Variants in SYNE2 observed in about 807,000 individuals in gnomAD.
SYNE2 encodes the protein nesprin-2.
In SYNE2, 431 loss-of-function variants were observed where a neutral mutation model predicts 856.3. The observed-to-expected ratio is 0.50, with a 90% CI of 0.47 to 0.55. The LOEUF is 0.55. Ranked by LOEUF, SYNE2 falls within the 20% of genes least tolerant of loss-of-function variation. SYNE2 has a pLI of 0.00. For synonymous variants in SYNE2, 2,923 were observed against 2,872.3 expected (o/e 1.02, Z -0.56); for missense variants, 8,129 against 8,023.2 (o/e 1.01, Z -0.50).
Position 64,078,580 on chromosome 14 carries a change from A to G in SYNE2, c.11137A>G (p.Ile3713Val). ...EKMLQQKSKN[I>V]EKAQEIQKKM... Reference sequence around the variant, plus strand: ...GATGTTGCAGCAGAAAAGCAAAAATATTGAGAAAGCTCAAGAAATTCAAAA... The same window carrying G: ...GATGTTGCAGCAGAAAAGCAAAAATGTTGAGAAAGCTCAAGAAATTCAAAA... Residue 3713 changes from isoleucine (I) to valine (V), a missense_variant, in exon 55 of 116, where the codon ATT (isoleucine) becomes GTT (valine). Transcript: ENST00000555002. 6.2e-7 allele frequency: 1 copy of G among 1,614,150 alleles called. No individual in the cohort carries two copies. Among genetic ancestry groups the G allele is most frequent in the South Asian group, 1.1e-5 (1 of 91,078 alleles).
In SYNE2 at chr14:64,078,478, G is replaced by C. The variant is rs1431320456; in HGVS notation, c.11035G>C (p.Val3679Leu). The change falls in exon 55 of 116, where the codon GTC (valine) becomes CTC (leucine). Residue 3679 changes from valine (V) to leucine (L), a missense_variant. Transcript: ENST00000555002. ...EDIDEKISNE[V>L]LKSSPSYAMR... ...GTCTCTTTCACAGATTAGCAATGAA[G>C]TCTTAAAAAGCTCACCATCATATGC... is the stretch of plus-strand genomic sequence containing the variant. 1.2e-6 allele frequency: 2 copies of C among 1,613,860 alleles called. No individual in the cohort carries two copies. Among genetic ancestry groups the C allele is most frequent in the African/African-American group, 1.3e-5 (1 of 74,928 alleles).
At chr14:64,125,263 G>C (rs2097932379) in intron 71 of SYNE2, 53 bp downstream of exon 71, 3 of 1,610,052 alleles carry the variant, frequency 1.9e-6, no homozygotes, top group Non-Finnish European at 2.5e-6. Context: ...AAACAAAGGA[G>C]ATATCATCAT....
At chr14:64,158,867 G>T (rs190942861) in intron 86 of SYNE2, 72 bp downstream of exon 86, 1 of 1,509,004 alleles carries the variant, frequency 6.6e-7, no homozygotes, top group South Asian at 1.1e-5. Flanking sequence ...ACAGTAACGG[G>T]CATAACTGTG....
intron 1 of SYNE2, among the ~76,000 whole-genome samples, chr14:63,807,865 A>ATATATATATATATATATATAT (rs1267385896): frequency 5.1e-5 from 5 of 97,394 alleles, no homozygotes; most frequent in Non-Finnish European, 6.2e-5. Context: ...ATATATATAT[A>ATATATATATATATATATATAT]ATTTCAATAG....
Position 64,190,457 on chromosome 14 carries a change from T to C in SYNE2, c.18038+220T>C, listed in dbSNP as rs1215037249. On this transcript the variant is annotated intron_variant, in intron 99 of 115. Coordinates refer to ENST00000555002, the MANE Select transcript of SYNE2 (RefSeq NM_182914.3). ...ATATTTTTTCTTTAGCTTACAACTT[T>C]ACATGAATTAGAGTAGTTTTAATGA... 4.6e-6 allele frequency: 3 copies of C among 647,790 alleles called. No homozygotes were observed. The African/African-American group carries it at 5.5e-5, about 12-fold the overall frequency. The allele number at this position is 647,790 out of a possible 1,614,324, so 40.1% of individuals were successfully genotyped here. A position where few individuals can be genotyped will look rare whatever the true frequency, so the allele number is the denominator to read the frequency against.
rs141741640 is a variant in SYNE2, at chr14:64,214,272, C to T, written c.19135C>T (p.Arg6379Cys). The T allele has an allele frequency of 1.8e-3, 2,942 of 1,613,902 alleles. 5 individuals carry two copies. Among genetic ancestry groups the T allele is most frequent in the Non-Finnish European group, 2.3e-3 (2,727 of 1,180,000 alleles). ...CAGAGAAATCCAGACTGATTCTTGGCGTAAACGGGGAGAGAGCGAGGAACC... is the reference window on the plus strand; with the variant it reads ...CAGAGAAATCCAGACTGATTCTTGGTGTAAACGGGGAGAGAGCGAGGAACC... The part of the protein sequence containing the change: ...DPREIQTDSW[R>C]KRGESEEPSS... Residue 6379 changes from arginine (R) to cysteine (C), a missense_variant, in exon 106 of 116, where the codon CGT (arginine) becomes TGT (cysteine). Arg to Cys is a radical substitution (Grantham distance 180). Transcript: ENST00000555002.
chr14:63,987,281 A>G (rs770851248), intron 19 of SYNE2, among the ~76,000 whole-genome samples: 13 of 151,900 alleles, frequency 8.6e-5, no homozygotes, highest in Non-Finnish European at 1.6e-4. Flanking sequence ...AAATCATACA[A>G]TCTATGCTTT....
chr14:63,974,770 A>G (rs1489373486), intron 11 of SYNE2, among the ~76,000 whole-genome samples: 9 of 122,000 alleles, frequency 7.4e-5, no homozygotes, highest in East Asian at 2.4e-4. Context: ...GTGTGTGTGT[A>G]TATATATATG....
chr14:64,209,166 C>A, intron 101 of SYNE2: 1 of 815,814 alleles, frequency 1.2e-6, no homozygotes, highest in South Asian at 1.7e-5. Context: ...GTGGACTGGC[C>A]GCTGTGCTTC....
intron 99 of SYNE2, among the ~76,000 whole-genome samples, chr14:64,199,579 A>G (rs1431058517): frequency 6.6e-6 from 1 of 151,960 alleles, no homozygotes; most frequent in Non-Finnish European, 1.5e-5. Flanking sequence ...TTAGCTGAGC[A>G]TGGTGGCAGG....
chr14:64,044,954 T>G (rs2097175124), intron 45 of SYNE2, among the ~76,000 whole-genome samples: 1 of 152,148 alleles, frequency 6.6e-6, no homozygotes, highest in African/African-American at 2.4e-5. Context: ...CAAGTTCATA[T>G]GAAATATTTT....
Position 64,025,348 on chromosome 14 carries a change from T to C in SYNE2, c.6179T>C (p.Ile2060Thr), listed in dbSNP as rs949779417. 7 of 1,614,006 alleles carry C rather than the reference T, an allele frequency of 4.3e-6. No homozygotes were observed. Among genetic ancestry groups the C allele is most frequent in the African/African-American group, 1.3e-5 (1 of 75,056 alleles). Residue 2060 changes from isoleucine (I) to threonine (T), a missense_variant, in exon 41 of 116, where the codon ATT becomes ACT. By Grantham distance (89) the Ile-to-Thr change is moderately conservative. This residue lies in a region of SYNE2 where 2,422 missense variants were observed against 2,357.4 expected (regional missense o/e 1.03). Transcript: ENST00000555002. ...AHDVIHWIKEIKESLMVLNSS... is the reference protein window; with the variant it reads ...AHDVIHWIKETKESLMVLNSS... ...GATGTAATTCATTGGATAAAAGAGATTAAAGAGTCCCTTATGGTTTTGAAT... is the reference window on the plus strand; with the variant it reads ...GATGTAATTCATTGGATAAAAGAGACTAAAGAGTCCCTTATGGTTTTGAAT...
chr14:64,184,732 G>T (rs2070161628), intron 96 of SYNE2, among the ~76,000 whole-genome samples: 1 of 152,290 alleles, frequency 6.6e-6, no homozygotes, highest in African/African-American at 2.4e-5. Flanking sequence ...AACCAATCGT[G>T]AGACCAAAAG....
Position 63,902,963 on chromosome 14 carries a change from C to T in SYNE2, c.-51-6135C>T, listed in dbSNP as rs147540191. Among the ~76,000 whole-genome samples the T allele has an allele frequency of 3.8e-3, 579 of 152,240 alleles. 1 individual carries two copies. The highest frequency in any genetic ancestry group is 0.013 in the African/African-American group (557 of 41,530). On this transcript the variant is annotated intron_variant, in intron 1 of 115. Coordinates refer to ENST00000555002, the MANE Select transcript of SYNE2 (RefSeq NM_182914.3). ...TAAGTGCTGGGATTACAGGTATGAG[C>T]CACTGCACCTGGCCTTTGACTCTTT...
In SYNE2 at chr14:63,832,061, G is replaced by T. The variant is rs568453638; in HGVS notation, c.-304-20440G>T. Among the ~76,000 whole-genome samples, 10 of 152,006 alleles carry T rather than the reference G, an allele frequency of 6.6e-5. No homozygotes were observed. The South Asian group carries it at 1.7e-3, about 25-fold the overall frequency. On this transcript the variant is annotated intron_variant, in intron 1 of 23. Coordinates refer to the SYNE2 transcript ENST00000674003. The stretch of plus-strand genomic sequence containing the variant: ...GTAATAGTCTATTAGTGGCAAAGAG[G>T]TTTATTGATAAATGTTCAAAATAAA...
At position 63,976,362 on chromosome 14, in the gene SYNE2, T is replaced by G. The variant is rs375092579; in HGVS notation, c.1129-201T>G. On this transcript the variant is annotated intron_variant, in intron 11 of 115. Coordinates refer to ENST00000555002, the MANE Select transcript of SYNE2 (RefSeq NM_182914.3). ...CTTTTCCTACAGCTTTTGAACAAATTATATTCCTGGTGAGCAAGTAGCTAA... is the reference window on the plus strand; with the variant it reads ...CTTTTCCTACAGCTTTTGAACAAATGATATTCCTGGTGAGCAAGTAGCTAA... Among the ~76,000 whole-genome samples the G allele has an allele frequency of 1.5e-3, 232 of 152,304 alleles. 7 individuals carry two copies. In the South Asian group the frequency reaches 0.047, roughly 31 times the overall value.
intron 85 of SYNE2, among the ~76,000 whole-genome samples, chr14:64,155,334 G>A (rs896298984): frequency 1.3e-5 from 2 of 152,160 alleles, no homozygotes; most frequent in South Asian, 2.1e-4. Context: ...AAACATTATG[G>A]TGAGTGAAAG....
rs775562181 is a variant in SYNE2, at chr14:63,827,557, G to A, written c.-304-24944G>A. On this transcript the variant is annotated intron_variant, in intron 1 of 23. Coordinates refer to the SYNE2 transcript ENST00000674003. ...AGAGAATTGCTTGAACTTGGGAGGC[G>A]GAAGTTGTGGTGAGTCGAGATCGTG... Among the ~76,000 whole-genome samples, 92 of 133,306 alleles carry A rather than the reference G, an allele frequency of 6.9e-4. 1 individual carries two copies. The highest frequency in any genetic ancestry group is 2.3e-4 in the East Asian group (1 of 4,264). The allele number at this position is 133,306 out of a possible 152,430, so 87.5% of individuals were successfully genotyped here. A position where few individuals can be genotyped will look rare whatever the true frequency, so the allele number is the denominator to read the frequency against.
chr14:64,090,896 A>G lies in SYNE2; in HGVS notation c.11824A>G (p.Lys3942Glu). Residue 3942 changes from lysine (K) to glutamate (E), a missense_variant, in exon 60 of 116, where the codon AAA (lysine) becomes GAA (glutamate). Transcript: ENST00000555002. ...VILENIRPMK[K>E]TIAEIVSYQV... is the part of the protein sequence containing the mutation. ...ACTTGAAAATATACGTCCCATGAAG[A>G]AAACCATTGCTGAGATAGTGTCTTA... is the stretch of plus-strand genomic sequence containing the variant. The G allele has an allele frequency of 1.2e-6, 2 of 1,614,140 alleles. No individual in the cohort carries two copies. The highest frequency in any genetic ancestry group is 1.7e-6 in the Non-Finnish European group (2 of 1,179,994).
Sources: gnomAD v4.1 joint callset for allele counts (sites outside exome capture counted in the v4.1 genomes callset) on GRCh38, gnomAD v4.1.1 for gene constraint, gnomAD v4.1.1 regional missense constraint, MANE v1.5 for transcripts, NCBI Gene and HGNC (gene_info 2026-07-23, HGNC 2026-07-21) for gene names.